Variants in PRKACB observed in about 807,000 individuals in gnomAD.
PRKACB encodes cAMP-dependent protein kinase catalytic subunit beta.
PRKACB carries 16 observed loss-of-function variants against 51.4 expected under a neutral mutation model. The observed-to-expected ratio is 0.31, with a 90% confidence interval of 0.21 to 0.47. The LOEUF is 0.47. Among genes scored for constraint, PRKACB ranks in the 20% least tolerant of loss-of-function variants. PRKACB has a pLI of 1.00. For synonymous variants in PRKACB, 147 were observed against 154.4 expected, an observed-to-expected ratio of 0.95 and a Z score of 0.35; for missense variants, 309 against 464.5, an observed-to-expected ratio of 0.67 and a Z score of 3.08.
chr1:84,213,361 G>T (rs1279518154), intron 8 of PRKACB, among the ~76,000 whole-genome samples: 1 of 152,094 alleles, frequency 6.6e-6, no homozygotes, highest in Admixed American at 6.6e-5. Flanking sequence ...GTAATAACCA[G>T]AAGTTAGATT....
rs373825392 is a variant in PRKACB at position 84,214,325 on chromosome 1, T to G, written c.1071+8T>G. On this transcript the variant is annotated splice_region_variant and intron_variant, in intron 9 of 9. Transcript: ENST00000370685. ...GCTATTTACCAGAGGAAGGTGAGAC[T>G]TTCTTTTTTAATTTAAAAGCTTTTT... 2.4e-5 allele frequency: 38 copies of G among 1,557,094 alleles called. No homozygotes were observed. The African/African-American group carries it at 4.4e-4, about 18-fold the overall frequency.
At chr1:84,122,741 C>T (rs943698504) in intron 1 of PRKACB, among the ~76,000 whole-genome samples, 7 of 151,982 alleles carry the variant, frequency 4.6e-5, no homozygotes, top group Non-Finnish European at 1.0e-4. Flanking sequence ...TTAATTTTTT[C>T]ATGGGTTGTA....
Position 84,155,347 on chromosome 1 carries a change from A to G in PRKACB, c.187+10799A>G, listed in dbSNP as rs568910343. Among the ~76,000 whole-genome samples, 22 of 152,316 alleles carry G rather than the reference A, an allele frequency of 1.4e-4. No homozygotes were observed. In the South Asian group the frequency reaches 4.6e-3, roughly 32 times the overall value. On this transcript the variant is annotated intron_variant, in intron 1 of 9. Coordinates refer to ENST00000370685, the MANE Select transcript of PRKACB (RefSeq NM_182948.4). ...GAAAGATTTGTACACTGGAAACTGT[A>G]AGGCATTTATGAAAAAGTGAAGAAA...
intron 1 of PRKACB, among the ~76,000 whole-genome samples, chr1:84,114,269 G>C (rs1034795391): frequency 5.3e-5 from 8 of 152,114 alleles, no homozygotes; most frequent in Non-Finnish European, 1.0e-4. Context: ...AAAATATGTA[G>C]AGCATGATAC....
intron 2 of PRKACB, among the ~76,000 whole-genome samples, chr1:84,179,906 A>G (rs1301245002): frequency 1.3e-5 from 2 of 151,030 alleles, no homozygotes; most frequent in Non-Finnish European, 3.0e-5. Context: ...TCAACCCGTC[A>G]TCTACATTAG....
intron 9 of PRKACB, among the ~76,000 whole-genome samples, chr1:84,229,821 T>G (rs1460935089): frequency 6.6e-6 from 1 of 152,130 alleles, no homozygotes; most frequent in Non-Finnish European, 1.5e-5. Context: ...CATTGTAGAT[T>G]CTGGATATTA....
intron 1 of PRKACB, among the ~76,000 whole-genome samples, chr1:84,166,114 A>G (rs1430310397): frequency 6.6e-6 from 1 of 151,702 alleles, no homozygotes; most frequent in African/African-American, 2.4e-5. Context: ...TTATAGAATA[A>G]TATTAGATAT....
intron 2 of PRKACB, among the ~76,000 whole-genome samples, chr1:84,180,183 G>GATTGATATATATATATATATATAT (rs1553173787): frequency 3.1e-5 from 1 of 32,062 alleles, no homozygotes; most frequent in African/African-American, 7.2e-5. Context: ...AAGAAACTGT[G>GATTGATATATATATATATATATAT]ATATATATAT....
chr1:84,082,364 AAAG>A (rs1647606815), intron 1 of PRKACB, among the ~76,000 whole-genome samples: 1 of 152,156 alleles, frequency 6.6e-6, no homozygotes, highest in African/African-American at 2.4e-5. Flanking sequence ...CTTAAGTGAA[AAAG>A]ATTATTTTTT....
At chr1:84,101,386 A>G (rs1390619987) in intron 1 of PRKACB, among the ~76,000 whole-genome samples, 1 of 152,172 alleles carries the variant, frequency 6.6e-6, no homozygotes, top group Non-Finnish European at 1.5e-5. Context: ...CCTTCACAGC[A>G]ACACCTAGAT....
chr1:84,095,482 A>G (rs2100788202), intron 1 of PRKACB, among the ~76,000 whole-genome samples: 1 of 151,688 alleles, frequency 6.6e-6, no homozygotes, highest in African/African-American at 2.4e-5. Flanking sequence ...TTTGTTTTCC[A>G]TTGTTTTGTT....
chr1:84,085,810 T>G lies in PRKACB; in HGVS notation c.46+7439T>G. ...CTCCAGGAAGCCCTCTCAGGATCGG[T>G]GGCCACCTCTCACTTCTGGAGCCCT... On this transcript the variant is annotated intron_variant, in intron 1 of 8. Coordinates refer to the PRKACB transcript ENST00000370688. The G allele has an allele frequency of 9.5e-6, 4 of 419,092 alleles. No homozygotes were observed. The East Asian group carries it at 1.5e-4, about 16-fold the overall frequency. The allele number at this position is 419,092 out of a possible 1,614,324, so 26.0% of individuals were successfully genotyped here.
intron 1 of PRKACB, among the ~76,000 whole-genome samples, chr1:84,110,003 C>T (rs1201138989): frequency 6.6e-6 from 1 of 151,800 alleles, no homozygotes; most frequent in Non-Finnish European, 1.5e-5. Context: ...AAGGCCTACT[C>T]ATACTTTCAG....
intron 1 of PRKACB, among the ~76,000 whole-genome samples, chr1:84,102,838 G>A (rs964269674): frequency 6.6e-6 from 1 of 152,174 alleles, no homozygotes; most frequent in Admixed American, 6.5e-5. Flanking sequence ...CAAGGAATGA[G>A]TGACATGTGC....
At chr1:84,135,234 A>G (rs1652679650) in intron 1 of PRKACB, among the ~76,000 whole-genome samples, 1 of 152,200 alleles carries the variant, frequency 6.6e-6, no homozygotes, top group Non-Finnish European at 1.5e-5. Context: ...AGTCTTATCA[A>G]TCCTAAATAT....
At chr1:84,163,734 A>G (rs922120787) in intron 1 of PRKACB, among the ~76,000 whole-genome samples, 3 of 152,026 alleles carry the variant, frequency 2.0e-5, no homozygotes, top group African/African-American at 7.2e-5. Context: ...GTTTTTGATA[A>G]TTCTGTTCAG....
Position 84,237,527 on chromosome 1 carries a change from A to C in PRKACB, c.*2222A>C, listed in dbSNP as rs1676762527. 1 of 152,090 alleles carries C rather than the reference A, an allele frequency of 6.6e-6. No homozygotes were observed. The highest frequency in any genetic ancestry group is 2.1e-4 in the South Asian group (1 of 4,818). The allele number at this position is 152,090 out of a possible 1,614,324, so 9.4% of individuals were successfully genotyped here. A position where few individuals can be genotyped will look rare whatever the true frequency, so the allele number is the denominator to read the frequency against. The stretch of plus-strand genomic sequence containing the variant: ...CGTTGGTTTTGAGGGCTATTCAGCC[A>C]TTCCATTTTACTCTCTATTTAAAGG... On this transcript the variant is annotated 3_prime_UTR_variant, in exon 10 of 10. Transcript: ENST00000370685.
chr1:84,151,885 T>C (rs1323157760), intron 1 of PRKACB, among the ~76,000 whole-genome samples: 4 of 152,152 alleles, frequency 2.6e-5, no homozygotes, highest in African/African-American at 9.7e-5. Context: ...TCTTCCAAAC[T>C]CCTGTTGATG....
At position 84,179,161 on chromosome 1, in the gene PRKACB, A is replaced by G. The variant is rs1267654755; in HGVS notation, c.188-16A>G. The G allele has an allele frequency of 3.2e-6, 5 of 1,577,988 alleles. No individual in the cohort carries two copies. Among genetic ancestry groups the G allele is most frequent in the Non-Finnish European group, 4.3e-6 (5 of 1,161,832 alleles). ...ATTCTTACAAGATAAATTTGTTTTT[A>G]TATGTATATTTTCAGTGAAAGAGTT... On this transcript the variant is annotated splice_polypyrimidine_tract_variant and intron_variant, in intron 1 of 9. Coordinates refer to ENST00000370685, the MANE Select transcript of PRKACB (RefSeq NM_182948.4).
Sources: gnomAD v4.1 joint callset for allele counts (sites outside exome capture counted in the v4.1 genomes callset) on GRCh38, gnomAD v4.1.1 for gene constraint, MANE v1.5 for transcripts, NCBI Gene and HGNC (gene_info 2026-07-23, HGNC 2026-07-21) for gene names.